Variants in ROR2 observed in about 807,000 individuals in gnomAD.
ROR2 encodes the protein tyrosine-protein kinase transmembrane receptor ROR2.
ROR2 carries 33 observed loss-of-function variants against 74.9 expected under a neutral mutation model. That is an observed-to-expected ratio of 0.44 (90% confidence interval 0.33 to 0.59). The LOEUF (loss-of-function observed/expected upper bound fraction) is 0.59. Among genes scored for constraint, ROR2 ranks in the 20% least tolerant of loss-of-function variants. The pLI, the probability that ROR2 is intolerant of heterozygous loss-of-function variation, is 0.02. For missense variants in ROR2, 1,216 were observed against 1,313.8 expected, an observed-to-expected ratio of 0.93 and a Z score of 1.15; for synonymous variants, 586 against 558.7, an observed-to-expected ratio of 1.05 and a Z score of -0.69.
intron 4 of ROR2, among the ~76,000 whole-genome samples, chr9:91,743,629 A>ATGT: frequency 6.6e-6 from 1 of 152,138 alleles, no homozygotes; most frequent in Non-Finnish European, 1.5e-5. Context: ...GTATCTAACA[A>ATGT]GGACACCACA....
At chr9:91,788,112 G>A (rs1564276685) in intron 1 of ROR2, among the ~76,000 whole-genome samples, 1 of 152,100 alleles carries the variant, frequency 6.6e-6, no homozygotes, top group Non-Finnish European at 1.5e-5. Flanking sequence ...ACAGATTTGA[G>A]CAGGCAGAAG....
At chr9:91,729,397 T>C (rs1369775880) in intron 7 of ROR2, among the ~76,000 whole-genome samples, 1 of 152,250 alleles carries the variant, frequency 6.6e-6, no homozygotes, top group Non-Finnish European at 1.5e-5. Flanking sequence ...TGACTGATAA[T>C]TTCATTCTTA....
chr9:91,910,787 CT>C (rs1157195069), intron 1 of ROR2, among the ~76,000 whole-genome samples: 1 of 152,074 alleles, frequency 6.6e-6, no homozygotes, highest in African/African-American at 2.4e-5. Context: ...CCTCAGCCTC[CT>C]AAGTAGCTGA....
intron 2 of ROR2, among the ~76,000 whole-genome samples, chr9:91,767,232 G>A (rs1044806427): frequency 6.6e-6 from 1 of 151,988 alleles, no homozygotes; most frequent in African/African-American, 2.4e-5. Flanking sequence ...GCACCACCAC[G>A]CCCAGCTAAT....
intron 1 of ROR2, among the ~76,000 whole-genome samples, chr9:91,835,638 C>T (rs931533002): frequency 2.4e-4 from 36 of 152,222 alleles, no homozygotes; most frequent in African/African-American, 8.4e-4. Context: ...CAGCAGTGAG[C>T]ATCTTTCCAT....
intron 1 of ROR2, among the ~76,000 whole-genome samples, chr9:91,948,409 T>C (rs751710011): frequency 2.6e-5 from 4 of 152,190 alleles, no homozygotes; most frequent in Non-Finnish European, 5.9e-5. Flanking sequence ...ACAGAGGTCT[T>C]GAGTGATGGA....
intron 1 of ROR2, among the ~76,000 whole-genome samples, chr9:91,941,976 G>A (rs541737900): frequency 1.3e-3 from 201 of 152,074 alleles, no homozygotes; most frequent in African/African-American, 4.6e-3. Context: ...TTTTTAGTGA[G>A]GACGAGGTTT....
chr9:91,738,555 A>C (rs1189713721), intron 4 of ROR2, among the ~76,000 whole-genome samples: 1 of 152,214 alleles, frequency 6.6e-6, no homozygotes, highest in Admixed American at 6.5e-5. Flanking sequence ...GGCTTTTATG[A>C]TAACGATGAC....
intron 4 of ROR2, among the ~76,000 whole-genome samples, chr9:91,751,403 A>C (rs1825592689): frequency 6.6e-6 from 1 of 152,234 alleles, no homozygotes; most frequent in African/African-American, 2.4e-5. Context: ...TGAAAGACTA[A>C]AGAGTGGGAC....
At chr9:91,739,513 T>TAAAAAAAA (rs71362359) in intron 4 of ROR2, among the ~76,000 whole-genome samples, 1 of 105,602 alleles carries the variant, frequency 9.5e-6, no homozygotes, top group Admixed American at 1.1e-4. Flanking sequence ...TCTTTAAATT[T>TAAAAAAAA]AAAAAAAAAA....
At chr9:91,899,661 C>T (rs1830622445) in intron 1 of ROR2, among the ~76,000 whole-genome samples, 1 of 152,072 alleles carries the variant, frequency 6.6e-6, no homozygotes, top group African/African-American at 2.4e-5. Flanking sequence ...GCAGCTGGGA[C>T]CAAGTTCCTC....
chr9:91,887,105 C>G (rs1724048961), intron 1 of ROR2: 1 of 152,178 alleles, frequency 6.6e-6, no homozygotes, highest in Non-Finnish European at 1.5e-5. Flanking sequence ...CAGGTGACAG[C>G]CTCCCATCCT....
chr9:91,725,212 G>C, intron 8 of ROR2, 105 bp from the exon 9 acceptor site: 4 of 1,590,218 alleles, frequency 2.5e-6, no homozygotes, highest in South Asian at 2.2e-5. Context: ...CCACGACTAG[G>C]GGGGCCTTGC....
intron 4 of ROR2, among the ~76,000 whole-genome samples, chr9:91,747,924 A>G (rs1238925662): frequency 1.3e-5 from 2 of 152,208 alleles, no homozygotes; most frequent in African/African-American, 4.8e-5. Flanking sequence ...AGAGGCTGGG[A>G]CTGTGGAACT....
At chr9:91,894,378 C>A (rs947639562) in intron 1 of ROR2, among the ~76,000 whole-genome samples, 1 of 152,152 alleles carries the variant, frequency 6.6e-6, no homozygotes, top group African/African-American at 2.4e-5. Flanking sequence ...TTTAGATTAC[C>A]ATTGAGGAGA....
At chr9:91,774,409 GC>G (rs1188146086) in intron 2 of ROR2, among the ~76,000 whole-genome samples, 1 of 152,172 alleles carries the variant, frequency 6.6e-6, no homozygotes, top group Non-Finnish European at 1.5e-5. Flanking sequence ...GAGCAGTGGT[GC>G]CCCCCAAACC....
At chr9:91,814,394 C>T (rs901825874) in intron 1 of ROR2, among the ~76,000 whole-genome samples, 5 of 152,156 alleles carry the variant, frequency 3.3e-5, no homozygotes, top group Admixed American at 1.3e-4. Context: ...CCTTACCCCA[C>T]GCACACTCCA....
chr9:91,754,528 G>C (rs561199541), intron 4 of ROR2, among the ~76,000 whole-genome samples: 2 of 151,942 alleles, frequency 1.3e-5, no homozygotes, highest in Non-Finnish European at 2.9e-5. Flanking sequence ...ATGGTGGTGC[G>C]CATCTGTAAT....
chr9:91,756,740 TCTC>T (rs1202342917), intron 3 of ROR2, among the ~76,000 whole-genome samples: 5 of 135,672 alleles, frequency 3.7e-5, no homozygotes, highest in Non-Finnish European at 6.1e-5. Context: ...TTCTTTTTGT[TCTC>T]TTTTTTTTTT....
Sources: gnomAD v4.1 joint callset for allele counts (sites outside exome capture counted in the v4.1 genomes callset) on GRCh38, gnomAD v4.1.1 for gene constraint, MANE v1.5 for transcripts, NCBI Gene and HGNC (gene_info 2026-07-23, HGNC 2026-07-21) for gene names.